Variants in ABCC4 observed in about 807,000 individuals in gnomAD.
The protein encoded by ABCC4 is ATP-binding cassette sub-family C member 4.
A neutral mutation model predicts 168.5 loss-of-function variants in ABCC4; 102 were observed. That is an observed-to-expected ratio of 0.61 (90% confidence interval 0.52 to 0.71). ABCC4 has a LOEUF of 0.71. Among genes scored for constraint, ABCC4 ranks in the 30% least tolerant of loss-of-function variants. ABCC4 has a pLI of 0.00. For missense variants in ABCC4, 1,402 were observed against 1,605.8 expected (o/e 0.87, Z 2.17); for synonymous variants, 617 against 590.7 (o/e 1.04, Z -0.65).
intron 1 of ABCC4, among the ~76,000 whole-genome samples, chr13:95,276,275 C>T (rs1270211552): frequency 1.3e-5 from 2 of 151,946 alleles, no homozygotes; most frequent in African/African-American, 4.8e-5. Context: ...ATTAGCTAGG[C>T]ATGGTGGAAC....
chr13:95,225,732 T>C (rs1415938517), intron 4 of ABCC4, among the ~76,000 whole-genome samples: 2 of 151,840 alleles, frequency 1.3e-5, no homozygotes, highest in Non-Finnish European at 2.9e-5. Flanking sequence ...TACTTTGAAT[T>C]ATGGCATTCT....
intron 20 of ABCC4, among the ~76,000 whole-genome samples, chr13:95,084,327 T>G (rs1438537450): frequency 6.6e-6 from 1 of 152,212 alleles, no homozygotes; most frequent in Non-Finnish European, 1.5e-5. Context: ...TGTCAGCCAC[T>G]ACATTTTAGC....
intron 1 of ABCC4, among the ~76,000 whole-genome samples, chr13:95,272,498 C>T (rs577334560): frequency 5.1e-4 from 78 of 152,332 alleles, no homozygotes; most frequent in African/African-American, 1.8e-3. Context: ...ATTTCATATT[C>T]AAACATGAAA....
chr13:95,235,445 A>G (rs1395022402), intron 3 of ABCC4, among the ~76,000 whole-genome samples: 1 of 152,086 alleles, frequency 6.6e-6, no homozygotes, highest in Non-Finnish European at 1.5e-5. Flanking sequence ...GTGAATAAGG[A>G]AAAAAATGGC....
intron 25 of ABCC4, among the ~76,000 whole-genome samples, chr13:95,068,702 T>G (rs1202598962): frequency 6.6e-6 from 1 of 152,060 alleles, no homozygotes; most frequent in African/African-American, 2.4e-5. Flanking sequence ...TCCTATGATT[T>G]GGGGGGGTTT....
Position 95,184,001 on chromosome 13 carries a change from G to A in ABCC4, c.1545+2700C>T, listed in dbSNP as rs184443423. ...ACTTCTCCACCACCGGAGGCCCACC[G>A]TCCTACCGAGGATGGAACCATGCAC... is the stretch of plus-strand genomic sequence containing the variant. On this transcript the variant is annotated intron_variant, in intron 11 of 30. Transcript: ENST00000645237. 4.7e-3 allele frequency among the ~76,000 whole-genome samples: 720 copies of A among 152,166 alleles called. 12 individuals carry two copies. The highest frequency in any genetic ancestry group is 0.043 in the Admixed American group (656 of 15,300).
chr13:95,177,538 T>G (rs2037746060), intron 13 of ABCC4, among the ~76,000 whole-genome samples, 169 bp downstream of exon 13: 1 of 152,192 alleles, frequency 6.6e-6, no homozygotes, highest in Admixed American at 6.5e-5. Context: ...ACCTTGACCT[T>G]GTATTTCTGC....
intron 19 of ABCC4, among the ~76,000 whole-genome samples, chr13:95,118,085 C>T (rs1179147822): frequency 1.3e-5 from 2 of 152,138 alleles, no homozygotes; most frequent in Non-Finnish European, 2.9e-5. Flanking sequence ...CCCACCTCCT[C>T]ACACAGCTAC....
In ABCC4 at chr13:95,177,736, A is replaced by G. The variant is rs774233830; in HGVS notation, c.1698T>C (p.Asp566=). Residue 566 remains aspartate (D), a synonymous_variant, in exon 13 of 31, where the codon GAT becomes GAC. Transcript: ENST00000645237. ...CGAACAAGTGTCTGCTAACTTCCGC[A>G]TCTACTGCACTGAGAGGATCGTCCA... is the stretch of plus-strand genomic sequence containing the variant. ...YLLDDPLSAV[D]AEVSRHLFEL... The G allele has an allele frequency of 3.1e-6, 5 of 1,611,174 alleles. No individual in the cohort carries two copies. Among genetic ancestry groups the G allele is most frequent in the Non-Finnish European group, 3.4e-6 (4 of 1,177,528 alleles).
chr13:95,180,904 C>T (rs932502977), intron 11 of ABCC4, among the ~76,000 whole-genome samples: 9 of 152,140 alleles, frequency 5.9e-5, no homozygotes, highest in Admixed American at 5.2e-4. Flanking sequence ...ACTACAACGA[C>T]CTTGAGTGTT....
chr13:95,152,240 A>G (rs939920036), intron 19 of ABCC4, among the ~76,000 whole-genome samples: 4 of 152,230 alleles, frequency 2.6e-5, no homozygotes, highest in African/African-American at 9.6e-5. Context: ...GTACTTTTGA[A>G]AAAGAAAATT....
At chr13:95,029,197 TATATATATATATATATAGAG>T (rs1304509828) in intron 30 of ABCC4, among the ~76,000 whole-genome samples, 6 of 77,164 alleles carry the variant, frequency 7.8e-5, no homozygotes, top group African/African-American at 3.5e-4. Context: ...TATATATATA[TATATATATATATATATAGAG>T]AGAGAGAGAG....
intron 27 of ABCC4, 65 bp downstream of exon 27, chr13:95,053,029 GC>G: frequency 7.3e-7 from 1 of 1,365,220 alleles, no homozygotes; most frequent in Non-Finnish European, 1.0e-6. Context: ...TTCCTGCAAT[GC>G]TGTAAAGGTA....
At chr13:95,158,104 G>A (rs937826753) in intron 19 of ABCC4, among the ~76,000 whole-genome samples, 5 of 150,368 alleles carry the variant, frequency 3.3e-5, no homozygotes, top group East Asian at 3.9e-4. Flanking sequence ...CAGAAACTTC[G>A]CTGCTGAGAA....
intron 1 of ABCC4, among the ~76,000 whole-genome samples, chr13:95,287,935 G>T (rs796901316): frequency 6.6e-6 from 1 of 151,712 alleles, no homozygotes. Flanking sequence ...CCAGCTACTC[G>T]GGAGGCTGAG....
chr13:95,111,616 T>A (rs1444293169), intron 20 of ABCC4, among the ~76,000 whole-genome samples: 1 of 152,194 alleles, frequency 6.6e-6, no homozygotes. Context: ...GGACAGCAAA[T>A]GACACCCACT....
Position 95,177,483 on chromosome 13 carries a change from A to C in ABCC4, c.1727+224T>G, listed in dbSNP as rs1167240687. ...TTCTCAACTCCCTAAAACATGATAC[A>C]CTCCACTCACTGCAACACACTGAAA... On this transcript the variant is annotated intron_variant, in intron 13 of 30. Transcript: ENST00000645237. 4.6e-5 allele frequency among the ~76,000 whole-genome samples: 7 copies of C among 151,976 alleles called. No homozygotes were observed. In the East Asian group the frequency reaches 1.4e-3, roughly 29 times the overall value.
At chr13:95,128,650 C>T (rs1018557415) in intron 19 of ABCC4, among the ~76,000 whole-genome samples, 9 of 152,254 alleles carry the variant, frequency 5.9e-5, no homozygotes, top group Admixed American at 2.6e-4. Context: ...CCTTTCACCC[C>T]GAAGGAGAGG....
intron 6 of ABCC4, among the ~76,000 whole-genome samples, chr13:95,208,542 C>T (rs1162443100): frequency 1.3e-5 from 2 of 149,490 alleles, no homozygotes; most frequent in Admixed American, 6.7e-5. Flanking sequence ...ATTTCCAATT[C>T]GTTGGAACCT....
Sources: gnomAD v4.1 joint callset for allele counts (sites outside exome capture counted in the v4.1 genomes callset) on GRCh38, gnomAD v4.1.1 for gene constraint, MANE v1.5 for transcripts, NCBI Gene and HGNC (gene_info 2026-07-23, HGNC 2026-07-21) for gene names.